The following ATG5 variants were observed in gnomAD, a reference collection of about 807,000 sequenced individuals.
The protein encoded by ATG5 is autophagy related 5, also known as autophagy protein 5.
A neutral mutation model predicts 36.5 loss-of-function variants in ATG5; 14 were observed. The observed-to-expected ratio is 0.38, with a 90% CI of 0.25 to 0.60. The LOEUF (loss-of-function observed/expected upper bound fraction) is 0.60. Ranked by LOEUF, ATG5 falls within the 20% of genes least tolerant of loss-of-function variation. ATG5 has a pLI of 0.60. For synonymous variants in ATG5, 95 were observed against 101.5 expected (o/e 0.94, Z 0.38); for missense variants, 195 against 326.7 (o/e 0.60, Z 3.11).
intron 3 of ATG5, among the ~76,000 whole-genome samples, chr6:106,293,753 C>T (rs1268851492): frequency 1.3e-5 from 2 of 152,128 alleles, no homozygotes; most frequent in African/African-American, 2.4e-5. Flanking sequence ...GAGAACATTT[C>T]CTAATATAAC....
intron 5 of ATG5, among the ~76,000 whole-genome samples, chr6:106,256,254 T>C (rs1582618364): frequency 6.6e-6 from 1 of 152,202 alleles, no homozygotes; most frequent in Admixed American, 6.5e-5. Flanking sequence ...GATTATCCAC[T>C]GACAAATAAC....
chr6:106,276,948 C>T (rs138664442), intron 5 of ATG5, among the ~76,000 whole-genome samples: 1,562 of 152,168 alleles, frequency 0.01, 26 homozygotes, highest in African/African-American at 0.036. Context: ...GGGCCTAGTG[C>T]TTAACTTTGC....
intron 5 of ATG5, among the ~76,000 whole-genome samples, chr6:106,260,771 A>G (rs1778987655): frequency 6.6e-6 from 1 of 152,240 alleles, no homozygotes; most frequent in South Asian, 2.1e-4. Flanking sequence ...GCACTGCAAC[A>G]GAACTGCACT....
At chr6:106,298,423 C>T (rs1770065021) in intron 3 of ATG5, among the ~76,000 whole-genome samples, 1 of 151,958 alleles carries the variant, frequency 6.6e-6, no homozygotes, top group Non-Finnish European at 1.5e-5. Context: ...TGGTGGCATG[C>T]ACCTGTAGTC....
At chr6:106,285,920 T>TA (rs1463358886) in intron 4 of ATG5, among the ~76,000 whole-genome samples, 4 of 152,238 alleles carry the variant, frequency 2.6e-5, no homozygotes, top group African/African-American at 9.6e-5. Flanking sequence ...GTATGATCCT[T>TA]ACTCCAAAAT....
At chr6:106,270,415 G>A (rs1404872751) in intron 5 of ATG5, among the ~76,000 whole-genome samples, 1 of 152,076 alleles carries the variant, frequency 6.6e-6, no homozygotes, top group Non-Finnish European at 1.5e-5. Flanking sequence ...CCTGCAAAAC[G>A]TACTACAGGC....
chr6:106,289,169 T>A (rs975037309), intron 4 of ATG5, among the ~76,000 whole-genome samples: 2 of 152,186 alleles, frequency 1.3e-5, no homozygotes, highest in Admixed American at 6.5e-5. Flanking sequence ...GTTGAATGTA[T>A]AAACTATTTT....
rs1319667679 is a variant in ATG5, at chr6:106,290,292, TAC to T, written c.315+2734_315+2735del. On this transcript the variant is annotated intron_variant, in intron 4 of 7. Transcript: ENST00000369076. ...TATTTTATTTTATTTTATTTTTAGA[TAC>T]AGAGTCTGCCCTGTCATTCATTCTT... Among the ~76,000 whole-genome samples the T allele has an allele frequency of 7.9e-5, 12 of 151,094 alleles. No individual in the cohort carries two copies. In the East Asian group the frequency reaches 2.1e-3, roughly 27 times the overall value.
chr6:106,306,300 A>G (rs571356316), intron 3 of ATG5, among the ~76,000 whole-genome samples: 1 of 152,368 alleles, frequency 6.6e-6, no homozygotes, highest in Admixed American at 6.5e-5. Flanking sequence ...ATTGAATACA[A>G]GAATAACCAC....
chr6:106,272,593 G>T (rs918274597), intron 5 of ATG5, among the ~76,000 whole-genome samples: 2 of 152,100 alleles, frequency 1.3e-5, no homozygotes, highest in African/African-American at 4.8e-5. Context: ...AGTTATAAAT[G>T]TAACAATTAC....
chr6:106,212,594 G>A (rs1169602026), intron 6 of ATG5, among the ~76,000 whole-genome samples: 1 of 152,114 alleles, frequency 6.6e-6, no homozygotes, highest in Non-Finnish European at 1.5e-5. Context: ...AGCTGACACC[G>A]TCCCACTGCA....
intron 6 of ATG5, among the ~76,000 whole-genome samples, chr6:106,212,997 A>T (rs961044454): frequency 5.3e-5 from 8 of 152,332 alleles, no homozygotes; most frequent in African/African-American, 1.2e-4. Context: ...TCCATGTTTT[A>T]AAAAAGCTTT....
At chr6:106,225,684 C>T (rs1161348600) in intron 6 of ATG5, among the ~76,000 whole-genome samples, 3 of 152,132 alleles carry the variant, frequency 2.0e-5, no homozygotes, top group Non-Finnish European at 4.4e-5. Context: ...CTTTCAAAAG[C>T]CCCACTCTCA....
At chr6:106,222,661 A>C (rs575713894) in intron 6 of ATG5, among the ~76,000 whole-genome samples, 5 of 152,244 alleles carry the variant, frequency 3.3e-5, no homozygotes, top group African/African-American at 7.2e-5. Flanking sequence ...AATGAACTTA[A>C]TATATGAAAG....
intron 6 of ATG5, among the ~76,000 whole-genome samples, chr6:106,227,193 C>A (rs1777483016): frequency 6.6e-6 from 1 of 152,162 alleles, no homozygotes; most frequent in Admixed American, 6.5e-5. Flanking sequence ...ACTCTCAAAA[C>A]AGGCAAGGGA....
rs962031117 is a variant in ATG5, at chr6:106,325,736, T to C, written c.-269A>G. On this transcript the variant is annotated 5_prime_UTR_variant, in exon 1 of 8. Coordinates refer to ENST00000369076, the MANE Select transcript of ATG5 (RefSeq NM_004849.4). ...CCTGCTGCACTTCCGCCCTCTGGTATCCAGCGAATACAACCGGCAACGCTG... is the reference window on the plus strand; with the variant it reads ...CCTGCTGCACTTCCGCCCTCTGGTACCCAGCGAATACAACCGGCAACGCTG... 6.5e-6 allele frequency: 1 copy of C among 152,870 alleles called. No individual in the cohort carries two copies. Among genetic ancestry groups the C allele is most frequent in the Non-Finnish European group, 1.5e-5 (1 of 68,152 alleles). The allele number at this position is 152,870 out of a possible 1,614,324, so 9.5% of individuals were successfully genotyped here.
At chr6:106,254,339 C>T (rs939246359) in intron 5 of ATG5, among the ~76,000 whole-genome samples, 4 of 152,176 alleles carry the variant, frequency 2.6e-5, no homozygotes, top group South Asian at 2.1e-4. Flanking sequence ...TATGTACTGT[C>T]GCTCTCCCTC....
chr6:106,193,835 T>C (rs1327800109), intron 7 of ATG5, among the ~76,000 whole-genome samples: 1 of 152,200 alleles, frequency 6.6e-6, no homozygotes, highest in Admixed American at 6.5e-5. Context: ...TGAAGCCCCA[T>C]AGTACCTGTT....
At chr6:106,318,507 C>G (rs530400858) in intron 1 of ATG5, among the ~76,000 whole-genome samples, 13 of 152,188 alleles carry the variant, frequency 8.5e-5, no homozygotes, top group African/African-American at 3.1e-4. Flanking sequence ...TAAAGTCTTA[C>G]GTTCCAGCAA....
Sources: allele counts gnomAD v4.1 joint callset (sites outside exome capture counted in the v4.1 genomes callset), GRCh38; gene constraint gnomAD v4.1.1; transcripts MANE v1.5; gene names NCBI Gene and HGNC (gene_info 2026-07-23, HGNC 2026-07-21).